Variants in BMAL1 observed in about 807,000 individuals in gnomAD.
BMAL1 encodes basic helix-loop-helix ARNT-like protein 1.
At chr11:13,283,382 T>G in the BMAL1 span, among the ~76,000 whole-genome samples, 1 of 152,240 alleles carries the variant, frequency 6.6e-6, no homozygotes, top group Non-Finnish European at 1.5e-5. Flanking sequence ...TTGAACACTT[T>G]CTATGTGCCA....
At chr11:13,375,686 C>T in the BMAL1 span, 2 of 1,605,328 alleles carry the variant, frequency 1.2e-6, no homozygotes, top group Non-Finnish European at 1.7e-6. Context: ...TATCACACTA[C>T]GGAGTCGATG....
chr11:13,281,136 C>G, the BMAL1 span, among the ~76,000 whole-genome samples: 4 of 152,210 alleles, frequency 2.6e-5, no homozygotes, highest in African/African-American at 7.2e-5. Context: ...CTTCTCACCT[C>G]TACCCGGGTC....
chr11:13,386,881 C>G, the BMAL1 span: 1 of 1,145,812 alleles, frequency 8.7e-7, no homozygotes, highest in South Asian at 1.9e-5. Context: ...TAAAAGCCAT[C>G]TCAGAGCCAT....
the BMAL1 span, among the ~76,000 whole-genome samples, chr11:13,338,683 T>G: frequency 6.6e-6 from 1 of 152,214 alleles, no homozygotes; most frequent in Admixed American, 6.5e-5. Context: ...GGTGGGCATA[T>G]CTGGGTTCCA....
the BMAL1 span, chr11:13,372,051 T>A: frequency 7.0e-7 from 1 of 1,427,046 alleles, no homozygotes; most frequent in Non-Finnish European, 9.5e-7. Flanking sequence ...AGTGAAGCCT[T>A]GATTTTTTTT....
the BMAL1 span, among the ~76,000 whole-genome samples, chr11:13,354,825 CCT>C: frequency 6.6e-6 from 1 of 152,172 alleles, no homozygotes; most frequent in Non-Finnish European, 1.5e-5. Context: ...TGCCTGAGGG[CCT>C]CTCTGAGGAA....
chr11:13,376,436 G>C, the BMAL1 span: 1 of 608,144 alleles, frequency 1.6e-6, no homozygotes, highest in African/African-American at 1.8e-5. Context: ...ATATTAGGAA[G>C]GCCTAGGCAG....
the BMAL1 span, among the ~76,000 whole-genome samples, chr11:13,296,885 G>A: frequency 6.6e-6 from 1 of 152,118 alleles, no homozygotes; most frequent in South Asian, 2.1e-4. Flanking sequence ...TCTTGCGCTC[G>A]TGGCTCTGTC....
chr11:13,296,954 G>C, the BMAL1 span, among the ~76,000 whole-genome samples: 1 of 152,166 alleles, frequency 6.6e-6, no homozygotes, highest in Admixed American at 6.5e-5. Context: ...AGGAGTTCTT[G>C]GTACCTGGGT....
At chr11:13,381,290 C>CTCT in the BMAL1 span, 1 of 1,601,972 alleles carries the variant, frequency 6.2e-7, no homozygotes, top group Non-Finnish European at 8.5e-7. Flanking sequence ...GCTAGAGAAC[C>CTCT]TCTTGCCCAA....
chr11:13,279,301 A>G, the BMAL1 span, among the ~76,000 whole-genome samples: 1 of 152,204 alleles, frequency 6.6e-6, no homozygotes, highest in Non-Finnish European at 1.5e-5. Context: ...TCGTCGTTTT[A>G]TTAAACATCC....
At chr11:13,327,679 G>T in the BMAL1 span, among the ~76,000 whole-genome samples, 1 of 152,164 alleles carries the variant, frequency 6.6e-6, no homozygotes, top group African/African-American at 2.4e-5. Flanking sequence ...CCATCATCGT[G>T]TTTACTGTGA....
At chr11:13,314,847 C>T in the BMAL1 span, among the ~76,000 whole-genome samples, 1 of 152,104 alleles carries the variant, frequency 6.6e-6, no homozygotes, top group Non-Finnish European at 1.5e-5. Context: ...CTTGTAAAGT[C>T]CCCAGTGAAT....
chr11:13,311,186 T>A, the BMAL1 span, among the ~76,000 whole-genome samples: 1 of 152,170 alleles, frequency 6.6e-6, no homozygotes, highest in Non-Finnish European at 1.5e-5. Context: ...ATAAGAAATG[T>A]CCAGCAGAGA....
chr11:13,290,690 A>C, the BMAL1 span, among the ~76,000 whole-genome samples: 1 of 152,052 alleles, frequency 6.6e-6, no homozygotes, highest in Non-Finnish European at 1.5e-5. Flanking sequence ...TATTCATATA[A>C]GGTGGGTAAT....
the BMAL1 span, chr11:13,372,519 G>A: frequency 6.6e-7 from 1 of 1,503,924 alleles, no homozygotes; most frequent in South Asian, 1.3e-5. Flanking sequence ...AATGAAGAAA[G>A]AAAGAAAAAG....
At chr11:13,308,209 T>C in the BMAL1 span, among the ~76,000 whole-genome samples, 1 of 152,090 alleles carries the variant, frequency 6.6e-6, no homozygotes, top group Non-Finnish European at 1.5e-5. Flanking sequence ...TGGAAGAACA[T>C]TGTCTTAAAC....
At chr11:13,326,725 TTA>T in the BMAL1 span, among the ~76,000 whole-genome samples, 124,723 of 150,112 alleles carry the variant, frequency 0.83, 52,100 homozygotes, top group Non-Finnish European at 0.88. Flanking sequence ...TATATAGGTA[TTA>T]TATATATATA....
chr11:13,364,364 C>G, the BMAL1 span, among the ~76,000 whole-genome samples: 1 of 152,204 alleles, frequency 6.6e-6, no homozygotes, highest in African/African-American at 2.4e-5. Context: ...TCTGTCCCAG[C>G]ACAAGTACAT....
Sources: allele counts gnomAD v4.1 joint callset (sites outside exome capture counted in the v4.1 genomes callset), GRCh38; gene constraint gnomAD v4.1.1; transcripts MANE v1.5; gene names NCBI Gene and HGNC (gene_info 2026-07-23, HGNC 2026-07-21).